Variants in XRCC5 observed in about 807,000 individuals in gnomAD.
The protein encoded by XRCC5 is X-ray repair cross complementing 5.
Under a neutral mutation model 95.7 loss-of-function variants are expected in XRCC5, and 12 were observed. The observed-to-expected ratio is 0.13, with a 90% CI of 0.08 to 0.20. The LOEUF (loss-of-function observed/expected upper bound fraction) is 0.20. XRCC5 is among the 10% of genes least tolerant of loss of function. The pLI is 1.00. For synonymous variants in XRCC5, 281 were observed against 290.3 expected (o/e 0.97, Z 0.33); for missense variants, 595 against 873.9 (o/e 0.68, Z 4.02).
At chr2:216,163,808 A>G (rs1190514237) in intron 16 of XRCC5, among the ~76,000 whole-genome samples, 1 of 152,230 alleles carries the variant, frequency 6.6e-6, no homozygotes, top group African/African-American at 2.4e-5. Context: ...CCAAACCATG[A>G]GAATCTCCAG....
At chr2:216,113,272 A>T (rs1696625976) in intron 2 of XRCC5, 143 bp downstream of exon 2, 6 of 626,020 alleles carry the variant, frequency 9.6e-6, no homozygotes, top group Admixed American at 3.3e-5. Flanking sequence ...ACATGTACTC[A>T]CATACAACTT....
chr2:216,163,024 G>A (rs1688982083), intron 16 of XRCC5, among the ~76,000 whole-genome samples: 1 of 152,126 alleles, frequency 6.6e-6, no homozygotes, highest in African/African-American at 2.4e-5. Flanking sequence ...ATTCATTATT[G>A]CTGGTCCAAG....
At chr2:216,128,432 G>T (rs1239124431) in intron 8 of XRCC5, among the ~76,000 whole-genome samples, 1 of 152,092 alleles carries the variant, frequency 6.6e-6, no homozygotes, top group South Asian at 2.1e-4. Context: ...TGGAGGAGGG[G>T]GTTGTTTAAA....
chr2:216,138,228 T>C (rs28371547), intron 12 of XRCC5, 49 bp downstream of exon 12: 39,867 of 1,533,968 alleles, frequency 0.026, 605 homozygotes, highest in Middle Eastern at 0.056. Flanking sequence ...ACACTGTTCT[T>C]GGGAAATCAC....
rs71401137 is a variant in XRCC5 at position 216,141,540 on chromosome 2, C to CTTTTTTTTTTTTTTTTTTTTTT, written c.1476+226_1476+247dup. The stretch of plus-strand genomic sequence containing the variant: ...AAAGTTGGAATGCTTTCTTTCTTTT[C>CTTTTTTTTTTTTTTTTTTTTTT]TTTTTTTTTTTTTTTTTTTTTTTTT... On this transcript the variant is annotated intron_variant, in intron 13 of 20. Coordinates refer to ENST00000392132, the MANE Select transcript of XRCC5 (RefSeq NM_021141.4). Among the ~76,000 whole-genome samples, 22 of 64,972 alleles carry CTTTTTTTTTTTTTTTTTTTTTT rather than the reference C, an allele frequency of 3.4e-4. 6 individuals are homozygous for CTTTTTTTTTTTTTTTTTTTTTT. The highest frequency in any genetic ancestry group is 5.5e-4 in the South Asian group (1 of 1,816). The allele number at this position is 64,972 out of a possible 152,430, so 42.6% of individuals were successfully genotyped here.
intron 16 of XRCC5, among the ~76,000 whole-genome samples, chr2:216,164,487 T>C (rs1689017182): frequency 1.3e-5 from 2 of 152,252 alleles, no homozygotes; most frequent in Admixed American, 6.5e-5. Flanking sequence ...CTTTAACAGC[T>C]TTTGCCAGAA....
intron 2 of XRCC5, among the ~76,000 whole-genome samples, chr2:216,114,917 C>G (rs1015010422): frequency 1.3e-5 from 2 of 152,124 alleles, no homozygotes; most frequent in African/African-American, 4.8e-5. Context: ...AGTAGCAGGG[C>G]TAGTGCGCAT....
chr2:216,113,351 T>TA (rs1472673036), intron 2 of XRCC5, among the ~76,000 whole-genome samples: 2 of 152,170 alleles, frequency 1.3e-5, no homozygotes, highest in East Asian at 3.8e-4. Flanking sequence ...TTACAGTTTT[T>TA]ATCGGAAACA....
intron 14 of XRCC5, among the ~76,000 whole-genome samples, chr2:216,152,464 G>A (rs890539529): frequency 6.6e-6 from 1 of 151,734 alleles, no homozygotes; most frequent in Admixed American, 6.6e-5. Flanking sequence ...AAAAAAATTT[G>A]GGTGGGAACA....
chr2:216,128,250 C>G (rs185470407), intron 8 of XRCC5, among the ~76,000 whole-genome samples: 1 of 152,068 alleles, frequency 6.6e-6, no homozygotes, highest in Admixed American at 6.6e-5. Context: ...ATGTTCAAGA[C>G]CTAAAATTAT....
chr2:216,121,003 T>C (rs1169024508), intron 5 of XRCC5, among the ~76,000 whole-genome samples: 1 of 152,244 alleles, frequency 6.6e-6, no homozygotes, highest in Non-Finnish European at 1.5e-5. Context: ...CCCAAAGTGC[T>C]GGGATTACAG....
chr2:216,153,379 T>C (rs1688781438), intron 14 of XRCC5, among the ~76,000 whole-genome samples: 1 of 152,220 alleles, frequency 6.6e-6, no homozygotes, highest in Non-Finnish European at 1.5e-5. Flanking sequence ...GTGTTGATAT[T>C]CTGTAGAATT....
chr2:216,170,805 G>T (rs1376024938), intron 16 of XRCC5, among the ~76,000 whole-genome samples: 3 of 152,238 alleles, frequency 2.0e-5, no homozygotes, highest in Non-Finnish European at 4.4e-5. Context: ...GTGCTAATGA[G>T]TATGATTTGT....
intron 16 of XRCC5, chr2:216,175,590 A>G (rs1020932040): frequency 7.6e-6 from 3 of 393,648 alleles, no homozygotes; most frequent in African/African-American, 2.1e-5. Flanking sequence ...CAGTCTTGCT[A>G]TAGTTTTCAG....
chr2:216,144,897 T>C (rs1388862296), intron 13 of XRCC5, among the ~76,000 whole-genome samples: 1 of 152,074 alleles, frequency 6.6e-6, no homozygotes, highest in East Asian at 1.9e-4. Context: ...TAAAAAAGGG[T>C]TGTTACAAAA....
chr2:216,112,782 AT>A, intron 1 of XRCC5, among the ~76,000 whole-genome samples: 1 of 152,254 alleles, frequency 6.6e-6, no homozygotes, highest in East Asian at 1.9e-4. Context: ...TATCTGGAGC[AT>A]GTTCCTCTCC....
At chr2:216,192,048 G>A (rs943402894) in intron 17 of XRCC5, among the ~76,000 whole-genome samples, 12 of 152,168 alleles carry the variant, frequency 7.9e-5, no homozygotes, top group Non-Finnish European at 1.6e-4. Context: ...TCCCAGGCTG[G>A]AGTGCAGTGG....
intron 14 of XRCC5, among the ~76,000 whole-genome samples, chr2:216,149,633 G>C (rs74871447): frequency 3.3e-5 from 5 of 152,068 alleles, no homozygotes; most frequent in African/African-American, 1.2e-4. Flanking sequence ...TCTCCAGTCC[G>C]TGATCTTGAT....
intron 8 of XRCC5, among the ~76,000 whole-genome samples, chr2:216,128,916 T>G (rs1449174800): frequency 6.6e-6 from 1 of 152,214 alleles, no homozygotes; most frequent in Non-Finnish European, 1.5e-5. Context: ...AGGACTTGGA[T>G]CTAGGCCTGT....
Sources: gnomAD v4.1 joint callset for allele counts (sites outside exome capture counted in the v4.1 genomes callset) on GRCh38, gnomAD v4.1.1 for gene constraint, MANE v1.5 for transcripts, NCBI Gene and HGNC (gene_info 2026-07-23, HGNC 2026-07-21) for gene names.